SENP6: variants seen among roughly 807,000 people sequenced by gnomAD.
SENP6 encodes sentrin-specific protease 6.
In SENP6, 41 loss-of-function variants were observed where a neutral mutation model predicts 134.5. That is an observed-to-expected ratio of 0.30 (90% CI 0.24 to 0.40). SENP6 has a LOEUF of 0.40. Among genes scored for constraint, SENP6 ranks in the 10% least tolerant of loss-of-function variants. SENP6 has a pLI of 1.00. For synonymous variants in SENP6, 395 were observed against 429.8 expected, an observed-to-expected ratio of 0.92 and a Z score of 1.00; for missense variants, 1,248 against 1,312.5, an observed-to-expected ratio of 0.95 and a Z score of 0.76.
At position 75,634,721 on chromosome 6, in the gene SENP6, A is replaced by G; in HGVS notation, c.368A>G (p.Asn123Ser). The change falls in exon 5 of 24, where the codon AAT (asparagine) becomes AGT (serine). Residue 123 changes from asparagine to serine, a missense_variant. Asn to Ser is a conservative substitution (Grantham distance 46). Transcript: ENST00000447266. ...NNKKLSENTQNTSLCSGTVVH... is the reference protein window; with the variant it reads ...NNKKLSENTQSTSLCSGTVVH... ...TGAATCTGCAGTGAAAATACGCAAA[A>G]TACGTCATTATGTTCTGGAACTGTA... 1 of 1,575,970 alleles carries G rather than the reference A, an allele frequency of 6.3e-7. No individual in the cohort carries two copies. The highest frequency in any genetic ancestry group is 1.2e-5 in the South Asian group (1 of 83,294).
chr6:75,715,492 G>C lies in SENP6; in HGVS notation c.3237G>C (p.Gln1079His). The change falls in exon 24 of 24, where the codon CAG becomes CAC. Residue 1079 changes from glutamine (Q) to histidine (H), a missense_variant. Physicochemically the swap from Gln to His is conservative, Grantham distance 24 (BLOSUM62 0). Coordinates refer to ENST00000447266, the MANE Select transcript of SENP6 (RefSeq NM_015571.4). The part of the protein sequence containing the change: ...EEIRNIILKL[Q>H]EDQSKEKRKH... ...TCCGAAACATAATTCTGAAGCTACA[G>C]GAAGATCAGAGCAAAGAGAAAAGAA... The C allele has an allele frequency of 1.9e-6, 3 of 1,613,388 alleles. No homozygotes were observed. The highest frequency in any genetic ancestry group is 2.5e-6 in the Non-Finnish European group (3 of 1,179,540).
chr6:75,675,394 T>C (rs1439388732), intron 11 of SENP6, 41 bp from the exon 12 acceptor site: 5 of 1,174,172 alleles, frequency 4.3e-6, no homozygotes, highest in South Asian at 1.4e-5. Context: ...CCTGCCTTTC[T>C]TTGTAAGTCT....
intron 23 of SENP6, 59 bp downstream of exon 23, chr6:75,713,884 A>T: frequency 7.9e-7 from 1 of 1,258,112 alleles, no homozygotes; most frequent in Middle Eastern, 2.4e-4. Context: ...ATTTGACTTT[A>T]CCTTAGTAAA....
chr6:75,631,579 C>T (rs919998463), intron 3 of SENP6, among the ~76,000 whole-genome samples: 1 of 152,090 alleles, frequency 6.6e-6, no homozygotes, highest in Admixed American at 6.6e-5. Flanking sequence ...AATTCTATTT[C>T]ATGACATGTG....
intron 9 of SENP6, among the ~76,000 whole-genome samples, chr6:75,666,152 C>CGT (rs571967865): frequency 2.9e-5 from 4 of 140,048 alleles, no homozygotes; most frequent in East Asian, 4.1e-4. Context: ...ATATATAAAA[C>CGT]ATATATGATA....
intron 5 of SENP6, among the ~76,000 whole-genome samples, chr6:75,637,323 A>G (rs777939239): frequency 6.6e-6 from 1 of 152,190 alleles, no homozygotes; most frequent in Non-Finnish European, 1.5e-5. Flanking sequence ...TAGTAATAAT[A>G]TGGGAACGAG....
intron 8 of SENP6, among the ~76,000 whole-genome samples, chr6:75,662,396 A>G (rs867151749): frequency 3.3e-5 from 5 of 151,964 alleles, no homozygotes; most frequent in African/African-American, 9.7e-5. Context: ...CAGCCTCCCA[A>G]TGTGTTGGGC....
Position 75,711,464 on chromosome 6 carries a change from C to T in SENP6, c.2909+48C>T, listed in dbSNP as rs774547118. 18 of 1,239,324 alleles carry T rather than the reference C, an allele frequency of 1.5e-5. No homozygotes were observed. In the South Asian group the frequency reaches 2.4e-4, roughly 17 times the overall value. 76.8% of individuals were successfully genotyped at this position (1,239,324 alleles called of 1,614,324 possible). On this transcript the variant is annotated intron_variant, in intron 21 of 23. Coordinates refer to ENST00000447266, the MANE Select transcript of SENP6 (RefSeq NM_015571.4). ...GAAAACTACATAATTTTTAAGTATG[C>T]TCATAAAACATAACAGGACAGTTTT...
intron 11 of SENP6, among the ~76,000 whole-genome samples, chr6:75,672,976 G>A (rs1023744141): frequency 4.0e-5 from 6 of 151,572 alleles, no homozygotes; most frequent in East Asian, 2.0e-4. Flanking sequence ...TACAGGCACC[G>A]GCCACCACGT....
At chr6:75,631,488 T>G (rs1201337447) in intron 3 of SENP6, among the ~76,000 whole-genome samples, 1 of 152,204 alleles carries the variant, frequency 6.6e-6, no homozygotes, top group Non-Finnish European at 1.5e-5. Context: ...GTTGTCACAT[T>G]AAGGCTCTAC....
At position 75,617,263 on chromosome 6, in the gene SENP6, C is replaced by CTTTTTTT. The variant is rs71002751; in HGVS notation, c.53-4248_53-4242dup. ...GATGGTTTGGAGAATTTCTTTCTTTCTTTTTTTTTTTTTTTTTTTTTTTTT... is the reference window on the plus strand; with the variant it reads ...GATGGTTTGGAGAATTTCTTTCTTTCTTTTTTTTTTTTTTTTTTTTTTTTTTTTTTTT... On this transcript the variant is annotated intron_variant, in intron 1 of 23. Coordinates refer to ENST00000447266, the MANE Select transcript of SENP6 (RefSeq NM_015571.4). 2.5e-3 allele frequency among the ~76,000 whole-genome samples: 143 copies of CTTTTTTT among 58,118 alleles called. 3 individuals are homozygous for CTTTTTTT. The highest frequency in any genetic ancestry group is 3.5e-3 in the Non-Finnish European group (112 of 32,394). 38.1% of individuals were successfully genotyped at this position (58,118 alleles called of 152,430 possible).
intron 16 of SENP6, among the ~76,000 whole-genome samples, chr6:75,683,011 C>T (rs1773572335): frequency 6.6e-6 from 1 of 152,154 alleles, no homozygotes; most frequent in Admixed American, 6.6e-5. Context: ...AACTAATTTA[C>T]ACTCCCACCA....
chr6:75,656,601 C>A (rs1285503268), intron 7 of SENP6, among the ~76,000 whole-genome samples: 1 of 152,144 alleles, frequency 6.6e-6, no homozygotes, highest in Non-Finnish European at 1.5e-5. Flanking sequence ...TTTTTCTCTT[C>A]TTTCCCTAGA....
At chr6:75,709,102 T>C (rs1775597030) in intron 19 of SENP6, among the ~76,000 whole-genome samples, 1 of 152,200 alleles carries the variant, frequency 6.6e-6, no homozygotes. Flanking sequence ...TATAAAATTA[T>C]GCAGTTGCAT....
chr6:75,675,710 A>ATTT lies in SENP6; in HGVS notation c.1427-144_1427-142dup, dbSNP rs201073122. 8.1e-3 allele frequency: 7,142 copies of ATTT among 879,882 alleles called. 35 individuals carry two copies. The highest frequency in any genetic ancestry group is 0.01 in the Non-Finnish European group (5,800 of 569,840). The allele number at this position is 879,882 out of a possible 1,614,324, so 54.5% of individuals were successfully genotyped here. A position where few individuals can be genotyped will look rare whatever the true frequency, so the allele number is the denominator to read the frequency against. On this transcript the variant is annotated intron_variant, in intron 12 of 23. Coordinates refer to ENST00000447266, the MANE Select transcript of SENP6 (RefSeq NM_015571.4). ...AAGTTTCTTTAAGGCAGTTATAAAG[A>ATTT]TTTTTTTTATTACCCACAAGAGTAA...
At chr6:75,649,452 T>A (rs977272589) in intron 7 of SENP6, among the ~76,000 whole-genome samples, 1 of 152,338 alleles carries the variant, frequency 6.6e-6, no homozygotes, top group Non-Finnish European at 1.5e-5. Context: ...AATAAGCATA[T>A]TCAAGTTAAG....
At chr6:75,683,008 T>A (rs1033856927) in intron 16 of SENP6, among the ~76,000 whole-genome samples, 10 of 152,168 alleles carry the variant, frequency 6.6e-5, no homozygotes, top group African/African-American at 2.4e-4. Flanking sequence ...TTAAACTAAT[T>A]TACACTCCCA....
intron 21 of SENP6, among the ~76,000 whole-genome samples, chr6:75,712,939 A>G (rs563887880): frequency 6.6e-6 from 1 of 152,166 alleles, no homozygotes; most frequent in East Asian, 1.9e-4. Flanking sequence ...ACCCATCTCT[A>G]CAAAAAAAAA....
intron 18 of SENP6, 138 bp from the exon 19 acceptor site, chr6:75,702,507 T>C (rs1775106015): frequency 1.2e-6 from 1 of 807,418 alleles, no homozygotes; most frequent in Non-Finnish European, 1.9e-6. Context: ...CGTGAGCTAC[T>C]GCGCCCGGCC....
Sources: gnomAD v4.1 joint callset for allele counts (sites outside exome capture counted in the v4.1 genomes callset) on GRCh38, gnomAD v4.1.1 for gene constraint, MANE v1.5 for transcripts, NCBI Gene and HGNC (gene_info 2026-07-23, HGNC 2026-07-21) for gene names.